The following GRIA4 variants were observed in gnomAD, a reference collection of about 807,000 sequenced individuals.
GRIA4 encodes the protein glutamate ionotropic receptor AMPA type subunit 4.
Under a neutral mutation model 104.0 loss-of-function variants are expected in GRIA4, and 34 were observed. The ratio of observed to expected loss-of-function variants is 0.33; its 90% CI spans 0.25 to 0.44. The LOEUF (loss-of-function observed/expected upper bound fraction) is 0.44, where lower values mean the gene tolerates loss of function less well. GRIA4 is among the 20% of genes least tolerant of loss of function. The probability of loss-of-function intolerance (pLI) is 1.00; values close to 1 mark genes in which losing one functional copy is unlikely to be tolerated. For synonymous variants in GRIA4, 386 were observed against 381.9 expected (o/e 1.01, Z -0.13); for missense variants, 750 against 1,096.5 (o/e 0.68, Z 4.46).
chr11:105,887,295 G>A (rs1223262403), intron 5 of GRIA4, among the ~76,000 whole-genome samples: 4 of 152,002 alleles, frequency 2.6e-5, no homozygotes, highest in South Asian at 2.1e-4. Context: ...TTTTCTGAAC[G>A]AGGTTGATAG....
chr11:105,736,915 A>G (rs893663206), intron 3 of GRIA4, among the ~76,000 whole-genome samples: 1 of 152,088 alleles, frequency 6.6e-6, no homozygotes, highest in Admixed American at 6.6e-5. Context: ...CTAAAACCCA[A>G]AGCACTTACT....
chr11:105,718,064 G>C (rs1488917206), intron 3 of GRIA4, among the ~76,000 whole-genome samples: 1 of 151,942 alleles, frequency 6.6e-6, no homozygotes, highest in African/African-American at 2.4e-5. Flanking sequence ...AAAAGAAATG[G>C]ATCATTGGTT....
At chr11:105,715,568 C>A (rs537417730) in intron 3 of GRIA4, among the ~76,000 whole-genome samples, 1 of 152,146 alleles carries the variant, frequency 6.6e-6, no homozygotes, top group African/African-American at 2.4e-5. Flanking sequence ...ACAGAAAATA[C>A]CAAATTTGAG....
chr11:105,717,418 A>T (rs1005617629), intron 3 of GRIA4, among the ~76,000 whole-genome samples: 2 of 152,144 alleles, frequency 1.3e-5, no homozygotes, highest in African/African-American at 4.8e-5. Flanking sequence ...TTAGACAACA[A>T]GAAATAAAGC....
rs571905208 is a variant in GRIA4, at chr11:105,965,709, A to T, written c.2295-6205A>T. Among the ~76,000 whole-genome samples the T allele has an allele frequency of 2.6e-5, 4 of 152,312 alleles. No homozygotes were observed. The East Asian group carries it at 5.8e-4, about 22-fold the overall frequency. Reference sequence around the variant, plus strand: ...AATCCATGTAATTGATGATGAGATCAGTTATTTGACAATAAACGAACTGTG... The same window carrying T: ...AATCCATGTAATTGATGATGAGATCTGTTATTTGACAATAAACGAACTGTG... On this transcript the variant is annotated intron_variant, in intron 14 of 16. Coordinates refer to ENST00000282499, the MANE Select transcript of GRIA4 (RefSeq NM_000829.4).
chr11:105,827,194 C>G (rs636726), intron 4 of GRIA4, among the ~76,000 whole-genome samples: 30,624 of 151,878 alleles, frequency 0.2, 4,130 homozygotes, highest in African/African-American at 0.38. Flanking sequence ...ATGATTTCCA[C>G]GCTTGGGTAA....
At chr11:105,697,550 C>T (rs1411353272) in intron 3 of GRIA4, among the ~76,000 whole-genome samples, 1 of 152,192 alleles carries the variant, frequency 6.6e-6, no homozygotes. Context: ...CACAGGTGTG[C>T]TTTGCAAACC....
intron 14 of GRIA4, among the ~76,000 whole-genome samples, chr11:105,949,306 T>C (rs1306771303): frequency 1.3e-5 from 2 of 152,214 alleles, no homozygotes; most frequent in African/African-American, 4.8e-5. Context: ...TTGCCTTAGT[T>C]GAAGGATTCC....
chr11:105,677,826 T>A (rs369432693), intron 3 of GRIA4, among the ~76,000 whole-genome samples: 2 of 152,014 alleles, frequency 1.3e-5, no homozygotes, highest in Non-Finnish European at 2.9e-5. Flanking sequence ...CACAGAAGGC[T>A]AGTATGGTTA....
intron 4 of GRIA4, among the ~76,000 whole-genome samples, chr11:105,857,111 A>T (rs529847719): frequency 2.8e-4 from 43 of 152,280 alleles, no homozygotes; most frequent in African/African-American, 9.4e-4. Context: ...GAAACCTGGG[A>T]GTCCAGACTG....
At chr11:105,876,919 G>A (rs1266973985) in intron 5 of GRIA4, among the ~76,000 whole-genome samples, 1 of 152,100 alleles carries the variant, frequency 6.6e-6, no homozygotes, top group Non-Finnish European at 1.5e-5. Flanking sequence ...TTACATTTAA[G>A]GTTAATATTG....
chr11:105,960,432 G>T (rs542554109), intron 14 of GRIA4, among the ~76,000 whole-genome samples: 1 of 152,284 alleles, frequency 6.6e-6, no homozygotes, highest in South Asian at 2.1e-4. Context: ...GTGGGGACAA[G>T]TCTTGGGAGT....
At chr11:105,849,992 T>C (rs995412903) in intron 4 of GRIA4, among the ~76,000 whole-genome samples, 2 of 152,190 alleles carry the variant, frequency 1.3e-5, no homozygotes, top group Non-Finnish European at 2.9e-5. Context: ...CAAATATGTA[T>C]AACAATTTAA....
chr11:105,878,323 G>A, intron 5 of GRIA4, among the ~76,000 whole-genome samples: 1 of 152,156 alleles, frequency 6.6e-6, no homozygotes, highest in South Asian at 2.1e-4. Flanking sequence ...GATGCCAACT[G>A]GAGCTCTCCT....
chr11:105,886,680 T>C (rs2136097056), intron 5 of GRIA4, among the ~76,000 whole-genome samples: 1 of 152,232 alleles, frequency 6.6e-6, no homozygotes, highest in East Asian at 1.9e-4. Context: ...TACCTGAAAA[T>C]TGTGGCTTTC....
chr11:105,744,265 AC>A (rs1939508709), intron 3 of GRIA4, among the ~76,000 whole-genome samples: 1 of 152,182 alleles, frequency 6.6e-6, no homozygotes, highest in Non-Finnish European at 1.5e-5. Flanking sequence ...ACTGAAATAA[AC>A]TAGGCAGTAT....
chr11:105,921,304 T>TGGGG (rs201374327), intron 11 of GRIA4, among the ~76,000 whole-genome samples: 25 of 135,476 alleles, frequency 1.8e-4, no homozygotes, highest in Non-Finnish European at 3.2e-4. Context: ...CTACCACACT[T>TGGGG]GGGTGTGTGT....
intron 9 of GRIA4, among the ~76,000 whole-genome samples, chr11:105,906,568 G>A (rs1404748215): frequency 6.6e-6 from 1 of 152,160 alleles, no homozygotes; most frequent in Non-Finnish European, 1.5e-5. Flanking sequence ...GTGTGCTTCT[G>A]TATCTGTGAG....
chr11:105,680,359 G>A (rs1427317587), intron 3 of GRIA4, among the ~76,000 whole-genome samples: 2 of 152,072 alleles, frequency 1.3e-5, no homozygotes, highest in Non-Finnish European at 2.9e-5. Context: ...TGTTGATTCT[G>A]AGCATATACA....
Sources: gnomAD v4.1 joint callset for allele counts (sites outside exome capture counted in the v4.1 genomes callset) on GRCh38, gnomAD v4.1.1 for gene constraint, MANE v1.5 for transcripts, NCBI Gene and HGNC (gene_info 2026-07-23, HGNC 2026-07-21) for gene names.